The following C1orf198 variants were observed in gnomAD, a reference collection of about 807,000 sequenced individuals.
C1orf198 encodes the protein uncharacterized protein C1orf198.
C1orf198 carries 17 observed loss-of-function variants against 31.4 expected under a neutral mutation model. That is an observed-to-expected ratio of 0.54 (90% confidence interval 0.37 to 0.81). The LOEUF (loss-of-function observed/expected upper bound fraction) is 0.81, where lower values mean the gene tolerates loss of function less well. C1orf198 is among the 40% of genes least tolerant of loss of function. The pLI is 0.00. For synonymous variants in C1orf198, 175 were observed against 193.8 expected (o/e 0.90, Z 0.81); for missense variants, 401 against 450.3 (o/e 0.89, Z 0.99).
chr1:230,840,352 G>A lies in C1orf198; in HGVS notation c.928-444C>T, dbSNP rs1669408281. On this transcript the variant is annotated intron_variant, in intron 3 of 3. Transcript: ENST00000366663. This position sits in a 1 kb window ranked among gnomAD's most constrained non-coding sequence, Gnocchi z 4.0. Reference sequence around the variant, plus strand: ...AAAGTTGAGAAAGTAAACATAGTGTGGAAAGAATGTGAAGCTTATTTCTTT... The same window carrying A: ...AAAGTTGAGAAAGTAAACATAGTGTAGAAAGAATGTGAAGCTTATTTCTTT... Among the ~76,000 whole-genome samples, 1 of 152,192 alleles carries A rather than the reference G, an allele frequency of 6.6e-6. No individual in the cohort carries two copies. The highest frequency in any genetic ancestry group is 1.5e-5 in the Non-Finnish European group (1 of 68,036).
intron 2 of C1orf198, among the ~76,000 whole-genome samples, chr1:230,848,880 C>A (rs1247447265): frequency 6.6e-6 from 1 of 152,164 alleles, no homozygotes; most frequent in Non-Finnish European, 1.5e-5. Context: ...CAGACTCTAG[C>A]AGGGCCAGGT....
intron 3 of C1orf198, among the ~76,000 whole-genome samples, chr1:230,842,248 C>T (rs1348526552): frequency 3.9e-5 from 6 of 152,078 alleles, no homozygotes; most frequent in Non-Finnish European, 7.4e-5. Flanking sequence ...TACTGAAATG[C>T]CACCAAATTT....
chr1:230,845,894 G>A (rs542974624), intron 2 of C1orf198, among the ~76,000 whole-genome samples: 2 of 152,040 alleles, frequency 1.3e-5, no homozygotes, highest in Non-Finnish European at 2.9e-5. Context: ...AGTTCTGTTG[G>A]GCATGTGATT....
At chr1:230,849,573 C>T (rs1252044391) in intron 2 of C1orf198, among the ~76,000 whole-genome samples, 1 of 152,230 alleles carries the variant, frequency 6.6e-6, no homozygotes, top group Non-Finnish European at 1.5e-5. Context: ...AACTGGGTCT[C>T]AGTTGGCCAT....
At chr1:230,854,250 A>G (rs560299103) in intron 2 of C1orf198, among the ~76,000 whole-genome samples, 55 of 152,188 alleles carry the variant, frequency 3.6e-4, no homozygotes, top group Non-Finnish European at 7.6e-4. Flanking sequence ...CAACACACAG[A>G]GAATCTATCT....
chr1:230,855,823 A>G lies in C1orf198; in HGVS notation c.334-105T>C. 8 of 1,518,270 alleles carry G rather than the reference A, an allele frequency of 5.3e-6. 1 individual carries two copies. The South Asian group carries it at 1.1e-4, about 21-fold the overall frequency. 94.0% of individuals were successfully genotyped at this position (1,518,270 alleles called of 1,614,324 possible). ...GAACCAAAACTTAGGAATAATCCCA[A>G]CTCCTGGCTCTAAACAAGCCTGATG... On this transcript the variant is annotated intron_variant, in intron 1 of 3. Coordinates refer to ENST00000366663, the MANE Select transcript of C1orf198 (RefSeq NM_032800.3).
At chr1:230,859,796 T>G (rs1366730261) in intron 1 of C1orf198, among the ~76,000 whole-genome samples, 1 of 152,190 alleles carries the variant, frequency 6.6e-6, no homozygotes, top group Non-Finnish European at 1.5e-5. Context: ...GTTCATTCAA[T>G]TCAGTGTGCA....
intron 1 of C1orf198, among the ~76,000 whole-genome samples, chr1:230,865,744 C>T (rs1670104898): frequency 1.3e-5 from 2 of 152,330 alleles, no homozygotes; most frequent in South Asian, 4.1e-4. Context: ...TTCAAAACCA[C>T]CAAGATCTGT....
chr1:230,856,346 A>T (rs1370991196), intron 1 of C1orf198, among the ~76,000 whole-genome samples: 6 of 151,718 alleles, frequency 4.0e-5, no homozygotes, highest in Non-Finnish European at 8.8e-5. Context: ...CTCTGAAATC[A>T]CTCCCCACCC....
chr1:230,853,649 T>G (rs1201581312), intron 2 of C1orf198, among the ~76,000 whole-genome samples: 1 of 151,950 alleles, frequency 6.6e-6, no homozygotes, highest in Non-Finnish European at 1.5e-5. Flanking sequence ...AGCCCAACAG[T>G]TTGTGAAACA....
chr1:230,860,012 G>A (rs914412942), intron 1 of C1orf198, among the ~76,000 whole-genome samples: 4 of 152,064 alleles, frequency 2.6e-5, no homozygotes, highest in Non-Finnish European at 5.9e-5. Context: ...GAGGTGTGTT[G>A]GAGCAGGCCT....
intron 1 of C1orf198, among the ~76,000 whole-genome samples, chr1:230,859,661 C>T (rs555948199): frequency 2.6e-5 from 4 of 152,220 alleles, no homozygotes; most frequent in African/African-American, 4.8e-5. Context: ...CAGAGGCCAG[C>T]GCTACATGTA....
intron 3 of C1orf198, among the ~76,000 whole-genome samples, chr1:230,842,921 G>A (rs1449509653): frequency 6.6e-6 from 1 of 152,176 alleles, no homozygotes; most frequent in African/African-American, 2.4e-5. Flanking sequence ...TCTCAAGTGT[G>A]CCTGCCTGCT....
At chr1:230,842,439 CA>C (rs1669465582) in intron 3 of C1orf198, among the ~76,000 whole-genome samples, 1 of 152,164 alleles carries the variant, frequency 6.6e-6, no homozygotes, top group Non-Finnish European at 1.5e-5. Flanking sequence ...ATGGCATCTG[CA>C]GCGACCTGGA....
At chr1:230,855,165 G>T (rs1201972303) in intron 2 of C1orf198, among the ~76,000 whole-genome samples, 1 of 152,212 alleles carries the variant, frequency 6.6e-6, no homozygotes, top group Non-Finnish European at 1.5e-5. Flanking sequence ...CTCTGGTGAT[G>T]ATGATGATAA....
At chr1:230,862,347 C>G (rs1670022370) in intron 1 of C1orf198, among the ~76,000 whole-genome samples, 1 of 152,206 alleles carries the variant, frequency 6.6e-6, no homozygotes, top group Non-Finnish European at 1.5e-5. Flanking sequence ...AAATATATTA[C>G]AGGAGTGAGG....
At chr1:230,850,717 TG>T (rs1368828692) in intron 2 of C1orf198, among the ~76,000 whole-genome samples, 2 of 149,852 alleles carry the variant, frequency 1.3e-5, no homozygotes, top group East Asian at 4.0e-4. Context: ...TGGGCAGAGA[TG>T]GGGGTCTCGG....
Position 230,839,863 on chromosome 1 carries a change from C to T in C1orf198, c.973G>A (p.Asp325Asn). The change falls in exon 4 of 4, where the codon GAC becomes AAC. Residue 325 changes from aspartate (D) to asparagine (N), a missense_variant. By Grantham distance (23) the Asp-to-Asn change is conservative. Transcript: ENST00000366663. The part of the protein sequence containing the change: ...VVLKTGFDFL[D>N]NW ...TTTTCTAATACATTTTACCAATTGT[C>T]CAGAAAATCAAATCCCGTCTTCAAG... is the stretch of plus-strand genomic sequence containing the variant. The T allele has an allele frequency of 1.9e-6, 3 of 1,610,644 alleles. No homozygotes were observed. Among genetic ancestry groups the T allele is most frequent in the Non-Finnish European group, 2.5e-6 (3 of 1,179,106 alleles).
intron 2 of C1orf198, among the ~76,000 whole-genome samples, chr1:230,848,025 T>G (rs1669639636): frequency 6.6e-6 from 1 of 152,152 alleles, no homozygotes. Context: ...CTGGGCTGCT[T>G]CAGGGGCGCT....
Sources: allele counts gnomAD v4.1 joint callset (sites outside exome capture counted in the v4.1 genomes callset), GRCh38; gene constraint gnomAD v4.1.1; non-coding constraint Gnocchi (gnomAD v3.1); transcripts MANE v1.5; gene names NCBI Gene and HGNC (gene_info 2026-07-23, HGNC 2026-07-21).